The following FBN3 variants were observed in gnomAD, a reference collection of about 807,000 sequenced individuals.
FBN3 encodes fibrillin-3.
FBN3 carries 234 observed loss-of-function variants against 330.1 expected under a neutral mutation model. The observed-to-expected ratio is 0.71, with a 90% confidence interval of 0.64 to 0.79. The LOEUF is 0.79. FBN3 is among the 30% of genes least tolerant of loss of function. The probability of loss-of-function intolerance (pLI) is 0.00; values close to 1 mark genes in which losing one functional copy is unlikely to be tolerated. For synonymous variants in FBN3, 1,458 were observed against 1,517.3 expected, an observed-to-expected ratio of 0.96 and a Z score of 0.91; for missense variants, 3,606 against 3,886.9, an observed-to-expected ratio of 0.93 and a Z score of 1.92.
chr19:8,147,373 G>A lies in FBN3; in HGVS notation c.108C>T (p.Ala36=), dbSNP rs777514684. 1.2e-6 allele frequency: 2 copies of A among 1,601,790 alleles called. No individual in the cohort carries two copies. The highest frequency in any genetic ancestry group is 1.7e-6 in the Non-Finnish European group (2 of 1,175,960). Residue 36 remains alanine (A), a synonymous_variant, in exon 2 of 64, where the codon GCC becomes GCT. Coordinates refer to ENST00000600128, the MANE Select transcript of FBN3 (RefSeq NM_032447.5). ...CACGTCCAGGACCTGCAGCCTCCAAGGCCCCGTCCCAGCGGCCTTGGCCAC... is the reference window on the plus strand; with the variant it reads ...CACGTCCAGGACCTGCAGCCTCCAAAGCCCCGTCCCAGCGGCCTTGGCCAC... ...MAGGQGRWDG[A]LEAAGPGRVR...
At chr19:8,115,786 A>C (rs539406741) in intron 29 of FBN3, 146 bp from the exon 30 acceptor site, 382 of 883,950 alleles carry the variant, frequency 4.3e-4, no homozygotes, top group Non-Finnish European at 6.4e-4. Flanking sequence ...TCTTTTCTCC[A>C]GGGGCGGGGA....
rs753631433 is a variant in FBN3 at position 8,097,030 on chromosome 19, T to C, written c.5288-24A>G. On this transcript the variant is annotated intron_variant, in intron 42 of 63. Coordinates refer to ENST00000600128, the MANE Select transcript of FBN3 (RefSeq NM_032447.5). ...ATCTGGGAAAATACAGCAAATGAGG[T>C]GGGGGTGACAGAGAAGCCCATCCTG... 7.5e-6 allele frequency: 12 copies of C among 1,606,290 alleles called. No individual in the cohort carries two copies. In the Admixed American group the frequency reaches 2.0e-4, roughly 27 times the overall value.
intron 40 of FBN3, among the ~76,000 whole-genome samples, chr19:8,102,085 C>T (rs2082338989): frequency 1.3e-5 from 2 of 152,292 alleles, no homozygotes; most frequent in South Asian, 4.2e-4. Context: ...AGGGCAGTTC[C>T]CCTGCACGCG....
chr19:8,074,271 G>A (rs1304178653), intron 61 of FBN3, among the ~76,000 whole-genome samples: 1 of 152,120 alleles, frequency 6.6e-6, no homozygotes, highest in African/African-American at 2.4e-5. Flanking sequence ...AGATCCCCAG[G>A]GGACAAGCAG....
At chr19:8,102,894 A>T in intron 39 of FBN3, 21 bp from the exon 40 acceptor site, 2 of 1,613,426 alleles carry the variant, frequency 1.2e-6, no homozygotes, top group Non-Finnish European at 1.7e-6. Flanking sequence ...CACAAAGGAG[A>T]AGAATGTGGG....
At chr19:8,099,425 C>T (rs866037943) in intron 41 of FBN3, among the ~76,000 whole-genome samples, 99 of 151,452 alleles carry the variant, frequency 6.5e-4, no homozygotes, top group African/African-American at 2.1e-3. Flanking sequence ...GGACTACAGG[C>T]GCCCGCCACC....
chr19:8,128,070 G>A (rs1421878049), intron 18 of FBN3, among the ~76,000 whole-genome samples: 1 of 152,216 alleles, frequency 6.6e-6, no homozygotes, highest in Non-Finnish European at 1.5e-5. Context: ...GATGCACGGT[G>A]CAGGGTATCT....
At chr19:8,082,820 C>G (rs1417196127) in intron 57 of FBN3, among the ~76,000 whole-genome samples, 1 of 148,778 alleles carries the variant, frequency 6.7e-6, no homozygotes, top group African/African-American at 2.5e-5. Flanking sequence ...TCTTTCTTTT[C>G]TTTTGTTTTT....
At chr19:8,135,209 C>G (rs1000105578) in intron 13 of FBN3, among the ~76,000 whole-genome samples, 17 of 151,504 alleles carry the variant, frequency 1.1e-4, no homozygotes, top group African/African-American at 4.1e-4. Flanking sequence ...GAACTCCTGG[C>G]CTCAAGCGAT....
chr19:8,109,447 G>C lies in FBN3; in HGVS notation c.4457-59C>G. The stretch of plus-strand genomic sequence containing the variant: ...CAGAGGGAAAGCTGTATGTGTGCGT[G>C]TGCATGCATGTGTCTATTTCAACAG... On this transcript the variant is annotated intron_variant, in intron 35 of 63. Coordinates refer to ENST00000600128, the MANE Select transcript of FBN3 (RefSeq NM_032447.5). This position sits in a 1 kb window ranked among gnomAD's most constrained non-coding sequence, Gnocchi z 5.2. 1 of 1,575,968 alleles carries C rather than the reference G, an allele frequency of 6.3e-7. No individual in the cohort carries two copies.
intron 4 of FBN3, 61 bp downstream of exon 4, chr19:8,146,066 C>T (rs932202705): frequency 2.0e-5 from 31 of 1,523,560 alleles, no homozygotes; most frequent in African/African-American, 8.3e-5. Context: ...CCAGGCTCCT[C>T]GTGGCAACCA....
intron 18 of FBN3, among the ~76,000 whole-genome samples, chr19:8,128,122 G>T (rs1375298790): frequency 6.6e-6 from 1 of 152,238 alleles, no homozygotes; most frequent in Non-Finnish European, 1.5e-5. Flanking sequence ...TCGGCATGCC[G>T]CCCTGCCAGC....
rs145003947 is a variant in FBN3, at chr19:8,124,114, G to A, written c.2732-106C>T. The A allele has an allele frequency of 7.1e-6, 7 of 979,248 alleles. No homozygotes were observed. The East Asian group carries it at 1.6e-4, about 22-fold the overall frequency. 60.7% of individuals were successfully genotyped at this position (979,248 alleles called of 1,614,324 possible). A position where few individuals can be genotyped will look rare whatever the true frequency, so the allele number is the denominator to read the frequency against. On this transcript the variant is annotated intron_variant, in intron 22 of 63. Transcript: ENST00000600128. ...CATCGGAAACTTTCTCCCGGACGTA[G>A]TCAGGTCGAGGGCCAGAGTGGAAAG...
chr19:8,123,774 C>G lies in FBN3; in HGVS notation c.2956+10G>C. ...TCCTTCCAGGGGCCTGACCCCTTCC[C>G]CAACCGCACCTTTATAGAATGGTCG... On this transcript the variant is annotated intron_variant, in intron 23 of 63. Transcript: ENST00000600128. The G allele has an allele frequency of 6.2e-7, 1 of 1,612,856 alleles. No individual in the cohort carries two copies. Among genetic ancestry groups the G allele is most frequent in the Non-Finnish European group, 8.5e-7 (1 of 1,179,704 alleles).
At chr19:8,082,683 G>A (rs1351850805) in intron 57 of FBN3, among the ~76,000 whole-genome samples, 1 of 151,728 alleles carries the variant, frequency 6.6e-6, no homozygotes, top group African/African-American at 2.4e-5. Context: ...TAGCAGAGAT[G>A]GGGTTTCACC....
In FBN3 at chr19:8,111,624, GCCCT is replaced by G; in HGVS notation, c.4084+20_4084+23del. The G allele has an allele frequency of 2.0e-5, 29 of 1,453,470 alleles. No individual in the cohort carries two copies. The highest frequency in any genetic ancestry group is 5.0e-5 in the East Asian group (2 of 40,346). The allele number at this position is 1,453,470 out of a possible 1,614,324, so 90.0% of individuals were successfully genotyped here. On this transcript the variant is annotated intron_variant, in intron 32 of 63. Coordinates refer to ENST00000600128, the MANE Select transcript of FBN3 (RefSeq NM_032447.5). ...CCGTGGCTGTCCCTCTAGGGCCCCT[GCCCT>G]CCCACCCCTCTAATCTCACCTTCGC... is the stretch of plus-strand genomic sequence containing the variant.
At chr19:8,145,960 G>A (rs1302350569) in intron 4 of FBN3, 22 bp from the exon 5 acceptor site, 9 of 1,543,516 alleles carry the variant, frequency 5.8e-6, no homozygotes, top group African/African-American at 2.7e-5. Flanking sequence ...AAGGCAGGAC[G>A]CATAGTAATG....
chr19:8,127,986 G>A (rs2083034221), intron 18 of FBN3, among the ~76,000 whole-genome samples: 1 of 152,106 alleles, frequency 6.6e-6, no homozygotes, highest in Non-Finnish European at 1.5e-5. Context: ...GGGTGACAGA[G>A]CGAGACTCTG....
chr19:8,111,693 A>G lies in FBN3; in HGVS notation c.4039T>C (p.Cys1347Arg), dbSNP rs769762222. 1.3e-6 allele frequency: 2 copies of G among 1,548,338 alleles called. No homozygotes were observed. Among genetic ancestry groups the G allele is most frequent in the Non-Finnish European group, 1.8e-6 (2 of 1,139,302 alleles). The change falls in exon 32 of 64, where the codon TGC becomes CGC. Residue 1347 changes from cysteine (C) to arginine (R), a missense_variant. Physicochemically the swap from Cys to Arg is radical, Grantham distance 180. Coordinates refer to ENST00000600128, the MANE Select transcript of FBN3 (RefSeq NM_032447.5). ...CCGGCAAAGCCCTGGCGGCAGGTGC[A>G]GCGGTAGGAGCCAGGGACATTGAGA... ...DCLNVPGSYR[C>R]TCRQGFAGDG...
Sources: allele counts gnomAD v4.1 joint callset (sites outside exome capture counted in the v4.1 genomes callset), GRCh38; gene constraint gnomAD v4.1.1; non-coding constraint Gnocchi (gnomAD v3.1); transcripts MANE v1.5; gene names NCBI Gene and HGNC (gene_info 2026-07-23, HGNC 2026-07-21).